LIN28B: variants seen among roughly 807,000 people sequenced by gnomAD.
The protein encoded by LIN28B is lin-28 RNA binding posttranscriptional regulator B.
A neutral mutation model predicts 21.9 loss-of-function variants in LIN28B; 5 were observed. The observed-to-expected ratio is 0.23, with a 90% CI of 0.12 to 0.48. The LOEUF is 0.48. Ranked by LOEUF, LIN28B falls within the 20% of genes least tolerant of loss-of-function variation. The probability of loss-of-function intolerance (pLI) is 0.98; values close to 1 mark genes in which losing one functional copy is unlikely to be tolerated. For missense variants in LIN28B, 245 were observed against 310.5 expected, an observed-to-expected ratio of 0.79 and a Z score of 1.58; for synonymous variants, 109 against 111.3, an observed-to-expected ratio of 0.98 and a Z score of 0.13.
chr6:104,983,181 A>G (rs2114255632), intron 2 of LIN28B, among the ~76,000 whole-genome samples: 1 of 152,316 alleles, frequency 6.6e-6, no homozygotes, highest in East Asian at 1.9e-4. Flanking sequence ...TGGCAAGGGG[A>G]TGGCTTATAT....
chr6:105,058,289 T>C (rs776094882), intron 3 of LIN28B, among the ~76,000 whole-genome samples: 1 of 152,176 alleles, frequency 6.6e-6, no homozygotes, highest in Non-Finnish European at 1.5e-5. Context: ...CACCACATAG[T>C]TGGGAGCAGA....
chr6:105,024,430 C>G (rs993852779), intron 2 of LIN28B, among the ~76,000 whole-genome samples: 4 of 152,068 alleles, frequency 2.6e-5, no homozygotes, highest in Non-Finnish European at 5.9e-5. Flanking sequence ...TAATCTGTAC[C>G]TTCTTGAGTG....
chr6:105,068,449 A>T (rs1772263412), intron 3 of LIN28B, among the ~76,000 whole-genome samples: 1 of 152,186 alleles, frequency 6.6e-6, no homozygotes. Context: ...AATTTTTTTT[A>T]AAAATTAGTT....
chr6:104,953,106 C>T (rs1191029634), upstream of LIN28B, among the ~76,000 whole-genome samples: 1 of 152,226 alleles, frequency 6.6e-6, no homozygotes, highest in African/African-American at 2.4e-5. Flanking sequence ...GTTTGCCCGA[C>T]GGGCGGGTCG....
At chr6:105,063,996 C>T (rs971899345) in intron 3 of LIN28B, among the ~76,000 whole-genome samples, 14 of 151,472 alleles carry the variant, frequency 9.2e-5, no homozygotes, top group African/African-American at 3.4e-4. Context: ...ATAGGAAAAA[C>T]AAAAGCACTG....
rs577394898 is a variant in LIN28B at position 105,020,792 on chromosome 6, G to A, written c.199-5506G>A. ...TTTTGAGACGAAGTCTCGCTCTGTT[G>A]CCCAGGCTGGAGTGCAGTGGCAGGA... On this transcript the variant is annotated intron_variant, in intron 2 of 3. Transcript: ENST00000345080. 7.8e-5 allele frequency among the ~76,000 whole-genome samples: 9 copies of A among 114,686 alleles called. No homozygotes were observed. In the East Asian group the frequency reaches 2.2e-3, roughly 28 times the overall value. 75.2% of individuals were successfully genotyped at this position (114,686 alleles called of 152,430 possible). A position where few individuals can be genotyped will look rare whatever the true frequency, so the allele number is the denominator to read the frequency against.
chr6:105,056,429 A>G (rs1772025313), intron 3 of LIN28B, among the ~76,000 whole-genome samples: 1 of 152,058 alleles, frequency 6.6e-6, no homozygotes, highest in South Asian at 2.1e-4. Context: ...GCTTAGTCCT[A>G]GGATGCAGTC....
intron 2 of LIN28B, among the ~76,000 whole-genome samples, chr6:104,971,371 C>T (rs189888208): frequency 6.6e-6 from 1 of 152,040 alleles, no homozygotes; most frequent in East Asian, 1.9e-4. Flanking sequence ...TCTTAAAAGA[C>T]AATGATATTT....
rs1163846314 is a variant in LIN28B at position 104,946,792 on chromosome 6, T to C, written c.19-3669T>C. On this transcript the variant is annotated intron_variant, in intron 2 of 5. Transcript: ENST00000635857. ...ATTAATTTTTCTTTAAACCATAAAG[T>C]GAATATTTATTATAGTAAGTTGTAA... is the stretch of plus-strand genomic sequence containing the variant. 3.3e-5 allele frequency among the ~76,000 whole-genome samples: 5 copies of C among 152,192 alleles called. No individual in the cohort carries two copies. In the East Asian group the frequency reaches 5.8e-4, roughly 18 times the overall value.
Position 105,078,397 on chromosome 6 carries a change from A to G in LIN28B, c.384-17A>G. On this transcript the variant is annotated splice_polypyrimidine_tract_variant and intron_variant, in intron 3 of 3. Transcript: ENST00000345080. ...TGCTGCCTACTTCTAAGATGTTTTCATCTTTTTTCCTTGTAGATGCTACAA... is the reference window on the plus strand; with the variant it reads ...TGCTGCCTACTTCTAAGATGTTTTCGTCTTTTTTCCTTGTAGATGCTACAA... The G allele has an allele frequency of 1.3e-6, 2 of 1,579,332 alleles. No homozygotes were observed. The highest frequency in any genetic ancestry group is 1.7e-6 in the Non-Finnish European group (2 of 1,157,342).
At chr6:104,992,974 T>A (rs1001883609) in intron 2 of LIN28B, among the ~76,000 whole-genome samples, 2 of 152,188 alleles carry the variant, frequency 1.3e-5, no homozygotes, top group African/African-American at 4.8e-5. Context: ...TCTCATGGTG[T>A]CTCTTGAGTT....
At chr6:105,060,499 T>G (rs867095605) in intron 3 of LIN28B, among the ~76,000 whole-genome samples, 2 of 152,288 alleles carry the variant, frequency 1.3e-5, no homozygotes, top group African/African-American at 4.8e-5. Context: ...TCACAGTGGT[T>G]GGTGACTGAG....
At chr6:104,983,744 T>G (rs1171164561) in intron 2 of LIN28B, among the ~76,000 whole-genome samples, 4 of 152,062 alleles carry the variant, frequency 2.6e-5, no homozygotes, top group Non-Finnish European at 5.9e-5. Flanking sequence ...TCCTGGCTAA[T>G]TTTGTATTTT....
At chr6:105,032,137 A>G (rs1771438376) in intron 3 of LIN28B, among the ~76,000 whole-genome samples, 1 of 152,302 alleles carries the variant, frequency 6.6e-6, no homozygotes, top group Non-Finnish European at 1.5e-5. Flanking sequence ...ATAGTATTCC[A>G]TTTTATAGCT....
chr6:105,058,026 A>AT (rs1562109691), intron 3 of LIN28B: 6 of 376,518 alleles, frequency 1.6e-5, no homozygotes, highest in Non-Finnish European at 2.0e-5. Context: ...GTCTTTTATG[A>AT]TTTTTTTAAC....
chr6:104,964,218 G>A (rs1329298179), intron 2 of LIN28B, among the ~76,000 whole-genome samples: 1 of 151,882 alleles, frequency 6.6e-6, no homozygotes, highest in Non-Finnish European at 1.5e-5. Flanking sequence ...TTGTTTTTTT[G>A]AGACTAAGTT....
At chr6:105,077,521 A>T (rs1358229853) in intron 3 of LIN28B, among the ~76,000 whole-genome samples, 1 of 152,198 alleles carries the variant, frequency 6.6e-6, no homozygotes, top group African/African-American at 2.4e-5. Flanking sequence ...TTGCCAAGCT[A>T]AAAGCTGAAC....
At chr6:104,994,066 G>A (rs1459264274) in intron 2 of LIN28B, among the ~76,000 whole-genome samples, 7 of 151,854 alleles carry the variant, frequency 4.6e-5, no homozygotes, top group Admixed American at 2.0e-4. Context: ...GGGCAGTGGC[G>A]CAATCTCGGC....
chr6:105,000,299 A>G (rs967983568), intron 2 of LIN28B, among the ~76,000 whole-genome samples: 3 of 152,196 alleles, frequency 2.0e-5, no homozygotes, highest in Non-Finnish European at 2.9e-5. Context: ...CAAGTTTTCT[A>G]TACACACAGT....
Sources: allele counts gnomAD v4.1 joint callset (sites outside exome capture counted in the v4.1 genomes callset), GRCh38; gene constraint gnomAD v4.1.1; transcripts MANE v1.5; gene names NCBI Gene and HGNC (gene_info 2026-07-23, HGNC 2026-07-21).